Variants in RMDN3 observed in about 807,000 individuals in gnomAD.
RMDN3 encodes the protein regulator of microtubule dynamics 3.
In RMDN3, 41 loss-of-function variants were observed where a neutral mutation model predicts 61.8. The observed-to-expected ratio is 0.66, with a 90% CI of 0.52 to 0.86. RMDN3 has a LOEUF of 0.86. Among genes scored for constraint, RMDN3 ranks in the 40% least tolerant of loss-of-function variants. The pLI is 0.00. For missense variants in RMDN3, 557 were observed against 585.3 expected, an observed-to-expected ratio of 0.95 and a Z score of 0.50; for synonymous variants, 247 against 232.0, an observed-to-expected ratio of 1.06 and a Z score of -0.59.
rs1458126435 is a variant in RMDN3, at chr15:40,751,430, C to A, written c.520G>T (p.Gly174Trp). Reference protein sequence around the residue: ...GATFTDAESEGGYTTANAESD... With the variant: ...GATFTDAESEWGYTTANAESD... ...CCTCCAAGAGAGACAACTCACCCCC[C>A]TTCACTCTCAGCATCTGTGAACGTG... Residue 174 changes from glycine (G) to tryptophan (W), a missense_variant, in exon 4 of 13, where the codon GGG becomes TGG. Physicochemically the swap from Gly to Trp is radical, Grantham distance 184. Coordinates refer to ENST00000338376, the MANE Select transcript of RMDN3 (RefSeq NM_018145.3). 3 of 1,614,184 alleles carry A rather than the reference C, an allele frequency of 1.9e-6. No homozygotes were observed. The highest frequency in any genetic ancestry group is 2.2e-5 in the East Asian group (1 of 44,886).
rs564548785 is a variant in RMDN3, at chr15:40,736,098, C to G, written c.*443G>C. 1 of 156,356 alleles carries G rather than the reference C, an allele frequency of 6.4e-6. No individual in the cohort carries two copies. The highest frequency in any genetic ancestry group is 2.4e-5 in the African/African-American group (1 of 41,672). 9.7% of individuals were successfully genotyped at this position (156,356 alleles called of 1,614,324 possible). A position where few individuals can be genotyped will look rare whatever the true frequency, so the allele number is the denominator to read the frequency against. The stretch of plus-strand genomic sequence containing the variant: ...AGCAATGTCTGTGGGCCACTCTGAT[C>G]CCTCTTTTTACCTTGGTAGGTAAGG... On this transcript the variant is annotated 3_prime_UTR_variant, in exon 13 of 13. Coordinates refer to ENST00000338376, the MANE Select transcript of RMDN3 (RefSeq NM_018145.3).
Position 40,752,157 on chromosome 15 carries a change from G to A in RMDN3, c.209C>T (p.Pro70Leu). The change falls in exon 3 of 13, where the codon CCA becomes CTA. Residue 70 changes from proline to leucine, a missense_variant. Physicochemically the swap from Pro to Leu is moderately conservative, Grantham distance 98 (BLOSUM62 -3). Transcript: ENST00000338376. ...GRHVMLLRAVPGGAGDASVLP... is the reference protein window; with the variant it reads ...GRHVMLLRAVLGGAGDASVLP... ...CACTGAGGCATCTCCAGCCCCACCT[G>A]GGACAGCCCGCAGGAGCATCACTGA... 1.2e-6 allele frequency: 2 copies of A among 1,614,100 alleles called. No individual in the cohort carries two copies. Among genetic ancestry groups the A allele is most frequent in the Non-Finnish European group, 1.7e-6 (2 of 1,179,998 alleles).
intron 5 of RMDN3, 70 bp downstream of exon 5, chr15:40,744,907 C>T: frequency 6.8e-7 from 1 of 1,474,152 alleles, no homozygotes; most frequent in Non-Finnish European, 9.0e-7. Context: ...GCCTTCATTC[C>T]CCAGGGGTCA....
At chr15:40,750,802 G>A (rs1010800331) in intron 4 of RMDN3, among the ~76,000 whole-genome samples, 1 of 152,190 alleles carries the variant, frequency 6.6e-6, no homozygotes, top group African/African-American at 2.4e-5. Context: ...AAGGTCAGAT[G>A]GGTCAGATGC....
rs184727532 is a variant in RMDN3 at position 40,746,511 on chromosome 15, C to T, written c.525-1252G>A. Among the ~76,000 whole-genome samples the T allele has an allele frequency of 6.4e-3, 902 of 140,080 alleles. 11 individuals are homozygous for T. The highest frequency in any genetic ancestry group is 0.023 in the African/African-American group (851 of 36,238). 91.9% of individuals were successfully genotyped at this position (140,080 alleles called of 152,430 possible). A position where few individuals can be genotyped will look rare whatever the true frequency, so the allele number is the denominator to read the frequency against. The stretch of plus-strand genomic sequence containing the variant: ...CACCCTGGGCGACAGAGCAAGACTC[C>T]GTCTCAAAAAAAAAAAAAAAAAAGA... On this transcript the variant is annotated intron_variant, in intron 4 of 12. Coordinates refer to ENST00000338376, the MANE Select transcript of RMDN3 (RefSeq NM_018145.3).
chr15:40,740,146 C>G lies in RMDN3; in HGVS notation c.958G>C (p.Asp320His), dbSNP rs151276576. Residue 320 changes from aspartate (D) to histidine (H), a missense_variant, in exon 7 of 13, where the codon GAC becomes CAC. Asp to His is a moderately conservative substitution (Grantham distance 81). Coordinates refer to ENST00000338376, the MANE Select transcript of RMDN3 (RefSeq NM_018145.3). ...GGGTGTTATTACCACAGGTGACAGT[C>G]AGCACTCTCATCCCCCTTCTCCAGA... The part of the protein sequence containing the change: ...AALEKGDESA[D>H]CHLWYAVLCG... 1.2e-6 allele frequency: 2 copies of G among 1,610,440 alleles called. No individual in the cohort carries two copies. Among genetic ancestry groups the G allele is most frequent in the Admixed American group, 3.3e-5 (2 of 59,894 alleles).
At chr15:40,742,468 G>A (rs1287519233) in intron 6 of RMDN3, among the ~76,000 whole-genome samples, 1 of 152,158 alleles carries the variant, frequency 6.6e-6, no homozygotes, top group Non-Finnish European at 1.5e-5. Context: ...AGCAAAGAAT[G>A]AGACAACTAG....
intron 7 of RMDN3, chr15:40,739,284 T>C (rs927863008): frequency 2.6e-5 from 4 of 152,082 alleles, no homozygotes; most frequent in South Asian, 2.1e-4. Flanking sequence ...TGCTTTTTCA[T>C]GTATATGCTA....
Position 40,752,026 on chromosome 15 carries a change from T to A in RMDN3, c.340A>T (p.Ser114Cys). The A allele has an allele frequency of 6.2e-7, 1 of 1,614,194 alleles. No homozygotes were observed. Among genetic ancestry groups the A allele is most frequent in the Non-Finnish European group, 8.5e-7 (1 of 1,180,022 alleles). ...ATCTCCCCCGCAAGCCCTCGCAGGCTGCTTCTCAGCTCCTCCACCTCCCGC... is the reference window on the plus strand; with the variant it reads ...ATCTCCCCCGCAAGCCCTCGCAGGCAGCTTCTCAGCTCCTCCACCTCCCGC... ...LRREVEELRS[S>C]LRGLAGEIVG... Residue 114 changes from serine (S) to cysteine (C), a missense_variant, in exon 3 of 13, where the codon AGC becomes TGC. Transcript: ENST00000338376.
chr15:40,751,559 C>T lies in RMDN3; in HGVS notation c.391G>A (p.Glu131Lys), dbSNP rs973035612. 1.1e-5 allele frequency: 17 copies of T among 1,614,110 alleles called. No homozygotes were observed. Among genetic ancestry groups the T allele is most frequent in the Non-Finnish European group, 1.4e-5 (16 of 1,180,062 alleles). ...EIVGEVRCHM[E>K]ENQRVARRRR... Reference sequence around the variant, plus strand: ...CGCCGAGCCACTCTCTGGTTCTCTTCCATGTGGCATCTGGAAAGCAGGCCC... The same window carrying T: ...CGCCGAGCCACTCTCTGGTTCTCTTTCATGTGGCATCTGGAAAGCAGGCCC... Residue 131 changes from glutamate (E) to lysine (K), a missense_variant, in exon 4 of 13, where the codon GAA (glutamate) becomes AAA (lysine). Transcript: ENST00000338376.
rs1186033897 is a variant in RMDN3, at chr15:40,737,210, AAG to A, written c.1279-8_1279-7del. On this transcript the variant is annotated splice_region_variant and splice_polypyrimidine_tract_variant and intron_variant, in intron 11 of 12. Coordinates refer to ENST00000338376, the MANE Select transcript of RMDN3 (RefSeq NM_018145.3). ...TTCCCTAGTTCTCTGTAGCACTGAA[AAG>A]AGACAACAGTGAAACCTGATACTGT... is the stretch of plus-strand genomic sequence containing the variant. The A allele has an allele frequency of 6.2e-7, 1 of 1,613,988 alleles. No individual in the cohort carries two copies. The highest frequency in any genetic ancestry group is 8.5e-7 in the Non-Finnish European group (1 of 1,179,838).
At chr15:40,742,171 G>GTTTTGTTTTTTTT (rs1161333834) in intron 6 of RMDN3, among the ~76,000 whole-genome samples, 91 of 134,938 alleles carry the variant, frequency 6.7e-4, no homozygotes, top group African/African-American at 2.5e-3. Flanking sequence ...AATTTTTTAA[G>GTTTTGTTTTTTTT]TTTTTTTTTT....
intron 10 of RMDN3, 120 bp downstream of exon 10, chr15:40,737,508 C>T (rs1897102743): frequency 1.8e-6 from 2 of 1,132,260 alleles, no homozygotes; most frequent in Non-Finnish European, 2.6e-6. Flanking sequence ...TCCCATAGAA[C>T]AGGCAAACAC....
At chr15:40,737,933 A>C in intron 9 of RMDN3, 32 bp downstream of exon 9, 1 of 1,609,556 alleles carries the variant, frequency 6.2e-7, no homozygotes. Flanking sequence ...GGCATTTAGG[A>C]CCATTATGTC....
rs763204761 is a variant in RMDN3 at position 40,737,706 on chromosome 15, T to C, written c.1146A>G (p.Leu382=). 1.1e-5 allele frequency: 17 copies of C among 1,613,960 alleles called. No homozygotes were observed. The highest frequency in any genetic ancestry group is 3.3e-5 in the Admixed American group (2 of 59,994). The part of the protein sequence containing the change: ...WCYQVSHLSW[L]EKKTATALLE... ...GCAAGGCTGTAGCAGTTTTTTTTTCTAGCCAGCTCAGGTGAGAGACCTGCC... is the reference window on the plus strand; with the variant it reads ...GCAAGGCTGTAGCAGTTTTTTTTTCCAGCCAGCTCAGGTGAGAGACCTGCC... Residue 382 remains leucine (L), a synonymous_variant, in exon 10 of 13, where the codon CTA becomes CTG. Coordinates refer to ENST00000338376, the MANE Select transcript of RMDN3 (RefSeq NM_018145.3).
intron 5 of RMDN3, among the ~76,000 whole-genome samples, chr15:40,744,509 G>C (rs1014028042): frequency 1.3e-5 from 2 of 151,458 alleles, no homozygotes; most frequent in African/African-American, 2.4e-5. Flanking sequence ...CTGGGGGGGG[G>C]GCATTTATAC....
At chr15:40,745,974 T>C (rs1897527561) in intron 4 of RMDN3, among the ~76,000 whole-genome samples, 1 of 151,916 alleles carries the variant, frequency 6.6e-6, no homozygotes, top group Non-Finnish European at 1.5e-5. Context: ...TGAGGAGAGG[T>C]GATAGGAACC....
intron 6 of RMDN3, among the ~76,000 whole-genome samples, chr15:40,743,764 G>A (rs1236557539): frequency 6.6e-6 from 1 of 152,250 alleles, no homozygotes; most frequent in African/African-American, 2.4e-5. Flanking sequence ...TTTGCCCTCT[G>A]TGGCTAGAGT....
In RMDN3 at chr15:40,754,640, G is replaced by A; in HGVS notation, c.144C>T (p.Pro48=). 3 of 1,614,128 alleles carry A rather than the reference G, an allele frequency of 1.9e-6. No individual in the cohort carries two copies. Among genetic ancestry groups the A allele is most frequent in the Non-Finnish European group, 2.5e-6 (3 of 1,180,010 alleles). Residue 48 remains proline, a synonymous_variant, in exon 2 of 13, where the codon CCC becomes CCT. Transcript: ENST00000338376. ...AAGTCTGCGTATAGTCCAGGGAGTT[G>A]GGCAGGCTCTGGCTGCGGCCATGAC... is the stretch of plus-strand genomic sequence containing the variant. ...TQRHGRSQSL[P]NSLDYTQTSD...
Sources: allele counts gnomAD v4.1 joint callset (sites outside exome capture counted in the v4.1 genomes callset), GRCh38; gene constraint gnomAD v4.1.1; transcripts MANE v1.5; gene names NCBI Gene and HGNC (gene_info 2026-07-23, HGNC 2026-07-21).